The following RBFOX1 variants were observed in gnomAD, a reference collection of about 807,000 sequenced individuals.
RBFOX1 encodes RNA binding protein fox-1 homolog 1.
Under a neutral mutation model 57.7 loss-of-function variants are expected in RBFOX1, and 8 were observed. That is an observed-to-expected ratio of 0.14 (90% CI 0.08 to 0.25). RBFOX1 has a LOEUF of 0.25. Ranked by LOEUF, RBFOX1 falls within the 10% of genes least tolerant of loss-of-function variation. RBFOX1 has a pLI of 1.00. For synonymous variants in RBFOX1, 326 were observed against 222.4 expected, an observed-to-expected ratio of 1.47 and a Z score of -4.15; for missense variants, 611 against 548.5, an observed-to-expected ratio of 1.11 and a Z score of -1.14.
intron 4 of RBFOX1, among the ~76,000 whole-genome samples, chr16:7,388,521 C>G (rs890620503): frequency 6.6e-6 from 1 of 152,086 alleles, no homozygotes; most frequent in Non-Finnish European, 1.5e-5. Flanking sequence ...ATCCCCTTCC[C>G]TGAGCTTAAG....
At chr16:6,672,740 C>G (rs995033027) in intron 3 of RBFOX1, among the ~76,000 whole-genome samples, 1 of 152,118 alleles carries the variant, frequency 6.6e-6, no homozygotes, top group African/African-American at 2.4e-5. Context: ...AGCAGTGAGG[C>G]AGACATCAGC....
chr16:6,788,402 C>T (rs916155205), intron 3 of RBFOX1, among the ~76,000 whole-genome samples: 4 of 151,856 alleles, frequency 2.6e-5, no homozygotes, highest in South Asian at 2.1e-4. Context: ...ATTATCGTCT[C>T]TCTGAAAATA....
intron 3 of RBFOX1, among the ~76,000 whole-genome samples, chr16:6,787,861 C>A (rs192821873): frequency 6.6e-6 from 1 of 152,124 alleles, no homozygotes; most frequent in Non-Finnish European, 1.5e-5. Flanking sequence ...TTAACATAAG[C>A]GTAACTCGAT....
chr16:7,546,318 C>G (rs2084513459), intron 5 of RBFOX1, among the ~76,000 whole-genome samples: 2 of 148,344 alleles, frequency 1.3e-5, no homozygotes, highest in South Asian at 4.2e-4. Flanking sequence ...AAGGGTAAAA[C>G]TCCACCTCAA....
At chr16:5,908,095 T>TATATATATATATACACACAC (rs1567133450) in intron 4 of RBFOX1, among the ~76,000 whole-genome samples, 1 of 139,884 alleles carries the variant, frequency 7.1e-6, no homozygotes, top group African/African-American at 3.0e-5. Context: ...TACACATATA[T>TATATATATATATACACACAC]ACACATATAT....
At chr16:7,572,296 G>A (rs3785239) in intron 5 of RBFOX1, among the ~76,000 whole-genome samples, 1 of 151,942 alleles carries the variant, frequency 6.6e-6, no homozygotes, top group African/African-American at 2.4e-5. Flanking sequence ...GAGATCCAGA[G>A]ACATGAAGTG....
In RBFOX1 at chr16:7,028,786, G is replaced by A. The variant is rs1036317492; in HGVS notation, c.-15-23271G>A. On this transcript the variant is annotated intron_variant, in intron 3 of 15. Transcript: ENST00000550418. ...TCGTAATGTGAGTTTGGAAACCATGGAACATCCAAACATTGGCGATCAACA... is the reference window on the plus strand; with the variant it reads ...TCGTAATGTGAGTTTGGAAACCATGAAACATCCAAACATTGGCGATCAACA... Among the ~76,000 whole-genome samples the A allele has an allele frequency of 5.3e-5, 8 of 151,498 alleles. No homozygotes were observed. In the Middle Eastern group the frequency reaches 0.014, roughly 258 times the overall value.
At chr16:6,585,257 C>A (rs2097591632) in intron 2 of RBFOX1, among the ~76,000 whole-genome samples, 1 of 152,114 alleles carries the variant, frequency 6.6e-6, no homozygotes, top group African/African-American at 2.4e-5. Flanking sequence ...AAGAGGAAAC[C>A]TTTATCGTCA....
intron 3 of RBFOX1, among the ~76,000 whole-genome samples, chr16:5,767,750 T>G (rs1243937412): frequency 6.6e-6 from 1 of 152,114 alleles, no homozygotes; most frequent in Non-Finnish European, 1.5e-5. Flanking sequence ...AATTAGATAT[T>G]TAAAGACCCT....
At chr16:6,972,978 A>G (rs1476402233) in intron 3 of RBFOX1, among the ~76,000 whole-genome samples, 14 of 152,042 alleles carry the variant, frequency 9.2e-5, no homozygotes, top group Non-Finnish European at 1.3e-4. Flanking sequence ...ACAAATAAAA[A>G]TAGTTAGCCC....
intron 14 of RBFOX1, among the ~76,000 whole-genome samples, chr16:7,701,410 T>C (rs560812653): frequency 6.6e-6 from 1 of 152,184 alleles, no homozygotes; most frequent in Non-Finnish European, 1.5e-5. Flanking sequence ...TAGATTCTCA[T>C]GGGAGCACCA....
At chr16:6,742,974 C>G (rs750427831) in intron 3 of RBFOX1, among the ~76,000 whole-genome samples, 4 of 152,022 alleles carry the variant, frequency 2.6e-5, no homozygotes, top group Non-Finnish European at 4.4e-5. Context: ...TTATCAATGT[C>G]AATATCATAT....
chr16:5,682,505 G>A (rs960124412), intron 3 of RBFOX1, among the ~76,000 whole-genome samples: 1 of 152,198 alleles, frequency 6.6e-6, no homozygotes, highest in African/African-American at 2.4e-5. Flanking sequence ...ACTTTCGGTG[G>A]AAGAGATGAC....
chr16:6,981,615 A>G (rs994363053), intron 3 of RBFOX1, among the ~76,000 whole-genome samples: 2 of 152,180 alleles, frequency 1.3e-5, no homozygotes, highest in African/African-American at 4.8e-5. Flanking sequence ...ATGGGAGGCA[A>G]AGGAGGAGAG....
At chr16:5,550,734 T>G (rs1230392741) in intron 2 of RBFOX1, among the ~76,000 whole-genome samples, 1 of 152,150 alleles carries the variant, frequency 6.6e-6, no homozygotes, top group Non-Finnish European at 1.5e-5. Context: ...ATAAATGAGG[T>G]GTTATTTTTC....
intron 3 of RBFOX1, among the ~76,000 whole-genome samples, chr16:5,741,689 A>G (rs760986358): frequency 5.3e-5 from 8 of 152,250 alleles, no homozygotes; most frequent in African/African-American, 9.6e-5. Flanking sequence ...TTAAAATTCA[A>G]TGCTATCATA....
At chr16:7,407,540 G>A (rs760826104) in intron 4 of RBFOX1, among the ~76,000 whole-genome samples, 19 of 152,222 alleles carry the variant, frequency 1.2e-4, no homozygotes, top group Non-Finnish European at 1.9e-4. Flanking sequence ...TGGTAAGTGG[G>A]GTGGTAGGGG....
chr16:6,820,264 C>T (rs7203938), intron 3 of RBFOX1, among the ~76,000 whole-genome samples: 3,725 of 152,220 alleles, frequency 0.024, 138 homozygotes, highest in African/African-American at 0.084. Flanking sequence ...ATAAATTGTC[C>T]AGTCTCAGGT....
At chr16:6,214,976 GAAGGAGA>G (rs1301104481) in intron 1 of RBFOX1, among the ~76,000 whole-genome samples, 4 of 136,006 alleles carry the variant, frequency 2.9e-5, no homozygotes, top group Admixed American at 7.3e-5. Context: ...GAAGGAGGGA[GAAGGAGA>G]GAGGAAGAGG....
Sources: gnomAD v4.1 joint callset for allele counts (sites outside exome capture counted in the v4.1 genomes callset) on GRCh38, gnomAD v4.1.1 for gene constraint, MANE v1.5 for transcripts, NCBI Gene and HGNC (gene_info 2026-07-23, HGNC 2026-07-21) for gene names.